The following URI1 variants were observed in gnomAD, a reference collection of about 807,000 sequenced individuals.
URI1 encodes unconventional prefoldin RPB5 interactor 1.
Under a neutral mutation model 60.2 loss-of-function variants are expected in URI1, and 39 were observed. The ratio of observed to expected loss-of-function variants is 0.65; its 90% CI spans 0.50 to 0.85. URI1 has a LOEUF of 0.85. Ranked by LOEUF, URI1 falls within the 40% of genes least tolerant of loss-of-function variation. URI1 has a pLI of 0.00. For synonymous variants in URI1, 251 were observed against 236.8 expected, an observed-to-expected ratio of 1.06 and a Z score of -0.55; for missense variants, 691 against 665.9, an observed-to-expected ratio of 1.04 and a Z score of -0.42.
intron 3 of URI1, 111 bp from the exon 4 acceptor site, chr19:29,986,171 G>A (rs942576126): frequency 2.8e-6 from 3 of 1,071,124 alleles, no homozygotes; most frequent in Middle Eastern, 6.1e-4. Context: ...TTTTCCCAAT[G>A]TATAAATAAA....
At chr19:29,959,881 T>C (rs2055300457) in intron 1 of URI1, among the ~76,000 whole-genome samples, 1 of 152,162 alleles carries the variant, frequency 6.6e-6, no homozygotes, top group South Asian at 2.1e-4. Context: ...GATTTTCCTT[T>C]GCCTGTAATT....
intron 1 of URI1, among the ~76,000 whole-genome samples, chr19:29,947,596 C>T (rs2055118465): frequency 6.6e-6 from 1 of 152,136 alleles, no homozygotes; most frequent in Non-Finnish European, 1.5e-5. Flanking sequence ...TGTTTATTGG[C>T]TACTTGGATT....
At chr19:29,998,207 T>C (rs1413116231) in intron 4 of URI1, among the ~76,000 whole-genome samples, 5 of 152,228 alleles carry the variant, frequency 3.3e-5, no homozygotes, top group African/African-American at 1.2e-4. Flanking sequence ...TTATATGATT[T>C]CAATCTTGTT....
intron 4 of URI1, among the ~76,000 whole-genome samples, chr19:29,993,467 T>C (rs1028288462): frequency 5.3e-5 from 8 of 152,246 alleles, no homozygotes; most frequent in African/African-American, 1.9e-4. Flanking sequence ...TTACTTGATT[T>C]TGAGAAACTT....
chr19:29,995,552 T>TTA (rs2055800900), intron 4 of URI1, among the ~76,000 whole-genome samples: 1 of 147,624 alleles, frequency 6.8e-6, no homozygotes, highest in African/African-American at 2.5e-5. Context: ...TTGTCTTACT[T>TTA]AAAAAAAAAA....
At chr19:29,923,665 C>G (rs3745643) in exon 1 of URI1, 189,233 of 1,534,684 alleles carry the variant, frequency 0.12, 15,520 homozygotes, top group African/African-American at 0.31. Context: ...TCACTCTTTT[C>G]CAGGCTCCTT....
At chr19:29,942,979 A>T (rs992994080) in intron 1 of URI1, among the ~76,000 whole-genome samples, 4 of 152,204 alleles carry the variant, frequency 2.6e-5, no homozygotes, top group African/African-American at 7.2e-5. Context: ...TGTAGCTTGT[A>T]ATGACCTAAA....
intron 1 of URI1, among the ~76,000 whole-genome samples, chr19:29,943,578 T>G (rs1441335610): frequency 1.3e-5 from 2 of 152,188 alleles, no homozygotes; most frequent in Admixed American, 1.3e-4. Flanking sequence ...TTAAAAGTTC[T>G]TAACTTTTTA....
At chr19:29,991,354 C>CT (rs2055744024) in intron 4 of URI1, among the ~76,000 whole-genome samples, 2 of 152,070 alleles carry the variant, frequency 1.3e-5, no homozygotes, top group African/African-American at 4.8e-5. Context: ...AGTGTTTCAC[C>CT]TTTTGTGGAG....
Position 29,971,132 on chromosome 19 carries a change from A to T in URI1, c.118-61A>T, listed in dbSNP as rs1335430559. 3 of 1,537,758 alleles carry T rather than the reference A, an allele frequency of 2.0e-6. No homozygotes were observed. The African/African-American group carries it at 4.1e-5, about 21-fold the overall frequency. The stretch of plus-strand genomic sequence containing the variant: ...AATGTTCTAGTTTTCAGATACACTG[A>T]TTTTTGTAGCTCTGTGCATAGCTCT... On this transcript the variant is annotated intron_variant, in intron 1 of 10. Coordinates refer to ENST00000392271, the MANE Select transcript of URI1 (RefSeq NM_003796.3).
intron 4 of URI1, among the ~76,000 whole-genome samples, chr19:29,996,860 G>C (rs1017575394): frequency 6.6e-6 from 1 of 151,724 alleles, no homozygotes; most frequent in African/African-American, 2.4e-5. Flanking sequence ...ATTCAATCGA[G>C]ATTACCATGT....
At chr19:29,952,329 G>T (rs765618007) in intron 1 of URI1, among the ~76,000 whole-genome samples, 1 of 152,194 alleles carries the variant, frequency 6.6e-6, no homozygotes, top group Non-Finnish European at 1.5e-5. Context: ...AGATTATCCA[G>T]GTTCTTGCAT....
rs1325501701 is a variant in URI1 at position 30,005,365 on chromosome 19, A to T, written c.372A>T (p.Val124=). The T allele has an allele frequency of 6.4e-7, 1 of 1,573,208 alleles. No individual in the cohort carries two copies. The change falls in exon 5 of 11, where the codon GTA becomes GTT. Residue 124 remains valine, a synonymous_variant. Coordinates refer to ENST00000392271, the MANE Select transcript of URI1 (RefSeq NM_003796.3). ...TGGTTGTGTTCATTGTTTCAGATGT[A>T]AGAAAAACAATAGATGACTTAAAAA... The part of the protein sequence containing the change: ...VGLVEHRKEH[V]RKTIDDLKKV...
chr19:29,958,031 C>T (rs1247538698), intron 1 of URI1: 1 of 151,914 alleles, frequency 6.6e-6, no homozygotes, highest in Admixed American at 6.6e-5. Context: ...CTCAAGTGAT[C>T]CACCCGCCTC....
At chr19:30,006,032 C>T (rs1179223959) in intron 6 of URI1, among the ~76,000 whole-genome samples, 1 of 152,054 alleles carries the variant, frequency 6.6e-6, no homozygotes, top group Non-Finnish European at 1.5e-5. Context: ...GTTCTCTGAC[C>T]ATGGTGAAGT....
At chr19:29,964,925 A>G (rs1347967353) in intron 1 of URI1, among the ~76,000 whole-genome samples, 2 of 148,942 alleles carry the variant, frequency 1.3e-5, no homozygotes, top group Non-Finnish European at 3.0e-5. Flanking sequence ...AGCCTTTCAC[A>G]GGCACATTCT....
intron 4 of URI1, among the ~76,000 whole-genome samples, chr19:29,993,427 T>C (rs1779145820): frequency 6.6e-6 from 1 of 152,202 alleles, no homozygotes; most frequent in Non-Finnish European, 1.5e-5. Flanking sequence ...AATATCCCTT[T>C]AGTCTTGTTT....
rs1275563430 is a variant in URI1 at position 29,986,424 on chromosome 19, A to G, written c.367+7A>G. On this transcript the variant is annotated splice_region_variant and intron_variant, in intron 4 of 10. Transcript: ENST00000392271. ...GTTGAGCACCGGAAAGAACGTAGGT[A>G]CCCATTTTAAATGATGTTTCTTTGT... 1 of 1,601,814 alleles carries G rather than the reference A, an allele frequency of 6.2e-7. No homozygotes were observed. The highest frequency in any genetic ancestry group is 1.3e-5 in the African/African-American group (1 of 74,186).
chr19:29,972,027 T>C (rs1460564705), intron 2 of URI1, among the ~76,000 whole-genome samples: 2 of 152,088 alleles, frequency 1.3e-5, no homozygotes, highest in Non-Finnish European at 2.9e-5. Context: ...GCATATAATA[T>C]TTTAAATTTA....
Sources: gnomAD v4.1 joint callset for allele counts (sites outside exome capture counted in the v4.1 genomes callset) on GRCh38, gnomAD v4.1.1 for gene constraint, MANE v1.5 for transcripts, NCBI Gene and HGNC (gene_info 2026-07-23, HGNC 2026-07-21) for gene names.